The following ADAMTS2 variants were observed in gnomAD, a reference collection of about 807,000 sequenced individuals.
The protein encoded by ADAMTS2 is ADAM metallopeptidase with thrombospondin type 1 motif 2, also known as A disintegrin and metalloproteinase with thrombospondin motifs 2.
Under a neutral mutation model 123.0 loss-of-function variants are expected in ADAMTS2, and 50 were observed. That is an observed-to-expected ratio of 0.41 (90% CI 0.32 to 0.51). The LOEUF (loss-of-function observed/expected upper bound fraction) is 0.51. ADAMTS2 is among the 20% of genes least tolerant of loss of function. The pLI is 0.35. For missense variants in ADAMTS2, 1,494 were observed against 1,705.2 expected (o/e 0.88, Z 2.18); for synonymous variants, 678 against 695.4 (o/e 0.98, Z 0.39).
chr5:179,315,747 G>A (rs1298156010), intron 2 of ADAMTS2, among the ~76,000 whole-genome samples: 2 of 152,206 alleles, frequency 1.3e-5, no homozygotes, highest in Admixed American at 6.5e-5. Context: ...GAGCACAAAC[G>A]CCACTGGAGA....
intron 2 of ADAMTS2, among the ~76,000 whole-genome samples, chr5:179,322,024 C>T (rs900356399): frequency 6.6e-6 from 1 of 151,762 alleles, no homozygotes; most frequent in Non-Finnish European, 1.5e-5. Context: ...AGGGAAGGTA[C>T]AATACGACCC....
chr5:179,168,978 G>C (rs1561787591), intron 5 of ADAMTS2, among the ~76,000 whole-genome samples: 1 of 152,228 alleles, frequency 6.6e-6, no homozygotes, highest in Non-Finnish European at 1.5e-5. Flanking sequence ...TATTCCCAGA[G>C]AGAGCCAAGC....
chr5:179,336,355 C>A (rs533176999), intron 2 of ADAMTS2, among the ~76,000 whole-genome samples: 9 of 152,378 alleles, frequency 5.9e-5, no homozygotes, highest in African/African-American at 2.2e-4. Flanking sequence ...GGAAGGACCG[C>A]TACTTCGTAA....
intron 3 of ADAMTS2, among the ~76,000 whole-genome samples, chr5:179,223,558 A>ACTCACACGAATGCACT (rs1765193393): frequency 4.0e-5 from 6 of 150,962 alleles, no homozygotes; most frequent in South Asian, 4.2e-4. Context: ...ATGCACTCAC[A>ACTCACACGAATGCACT]CACACGCGAA....
In ADAMTS2 at chr5:179,303,695, A is replaced by G. The variant is rs1043275983; in HGVS notation, c.535-30631T>C. On this transcript the variant is annotated intron_variant, in intron 2 of 21. Transcript: ENST00000251582. This position sits in a 1 kb window ranked among gnomAD's most constrained non-coding sequence, Gnocchi z 4.7. ...CTCACACGCCAGCTCATGGCAGCCC[A>G]CAGGCACCTAAAACTCTAAGAGGGG... Among the ~76,000 whole-genome samples the G allele has an allele frequency of 1.3e-5, 2 of 152,168 alleles. No individual in the cohort carries two copies. The highest frequency in any genetic ancestry group is 6.5e-5 in the Admixed American group (1 of 15,276).
rs1187504628 is a variant in ADAMTS2, at chr5:179,129,916, C to T, written c.2457+16G>A. ...CACCCGCACCCTTCCCTGGGCCCAGCCCTGCTTGGACTCACCAGAACGGTG... is the reference window on the plus strand; with the variant it reads ...CACCCGCACCCTTCCCTGGGCCCAGTCCTGCTTGGACTCACCAGAACGGTG... On this transcript the variant is annotated intron_variant, in intron 16 of 21. Coordinates refer to ENST00000251582, the MANE Select transcript of ADAMTS2 (RefSeq NM_014244.5). This position sits in a 1 kb window ranked among gnomAD's most constrained non-coding sequence, Gnocchi z 4.1. 1 of 1,613,552 alleles carries T rather than the reference C, an allele frequency of 6.2e-7. No homozygotes were observed. Among genetic ancestry groups the T allele is most frequent in the African/African-American group, 1.3e-5 (1 of 74,938 alleles).
intron 3 of ADAMTS2, among the ~76,000 whole-genome samples, chr5:179,237,801 C>T (rs920192879): frequency 2.0e-5 from 3 of 152,082 alleles, no homozygotes; most frequent in African/African-American, 7.2e-5. Context: ...TCTGGTTTTC[C>T]TTGATCCCTG....
At chr5:179,296,590 C>T (rs1028476812) in intron 2 of ADAMTS2, among the ~76,000 whole-genome samples, 5 of 152,018 alleles carry the variant, frequency 3.3e-5, no homozygotes, top group Non-Finnish European at 4.4e-5. Flanking sequence ...CAGTGGCATC[C>T]GACTCGGATA....
chr5:179,143,200 G>A (rs1041392154), intron 10 of ADAMTS2, among the ~76,000 whole-genome samples: 107 of 152,294 alleles, frequency 7.0e-4, no homozygotes, highest in African/African-American at 2.4e-3. Flanking sequence ...TTGGGAGGCC[G>A]AGGGGGGCAG....
intron 1 of ADAMTS2, 125 bp from the exon 2 acceptor site, chr5:179,344,286 G>A: frequency 7.7e-7 from 1 of 1,296,516 alleles, no homozygotes; most frequent in Non-Finnish European, 1.1e-6. Context: ...TCCGCCAGGC[G>A]ACCCCAGAAG....
At chr5:179,263,519 C>T (rs959899746) in intron 3 of ADAMTS2, among the ~76,000 whole-genome samples, 14 of 152,250 alleles carry the variant, frequency 9.2e-5, no homozygotes, top group African/African-American at 3.1e-4. Flanking sequence ...CACCTCCTGT[C>T]CTGTCCTGCA....
At chr5:179,241,817 T>C (rs1342248130) in intron 3 of ADAMTS2, among the ~76,000 whole-genome samples, 11 of 152,204 alleles carry the variant, frequency 7.2e-5, no homozygotes, top group Admixed American at 2.6e-4. Context: ...GGCAAAATAG[T>C]GTGTGTACCT....
At position 179,344,288 on chromosome 5, in the gene ADAMTS2, C is replaced by T. The variant is rs572554431; in HGVS notation, c.140-127G>A. The T allele has an allele frequency of 2.1e-4, 266 of 1,275,504 alleles. 1 individual carries two copies. The South Asian group carries it at 3.4e-3, about 16-fold the overall frequency. 79.0% of individuals were successfully genotyped at this position (1,275,504 alleles called of 1,614,324 possible). ...AGGGAAGGGGCATTCCGCCAGGCGA[C>T]CCCAGAAGCCAGCCTGCACCTCCCC... On this transcript the variant is annotated intron_variant, in intron 1 of 21. Transcript: ENST00000251582.
intron 12 of ADAMTS2, 94 bp from the exon 13 acceptor site, chr5:179,136,136 G>C (rs1581145976): frequency 3.1e-6 from 5 of 1,598,494 alleles, no homozygotes; most frequent in Non-Finnish European, 4.3e-6. Context: ...TTTCCACAAG[G>C]GTCCCCACGT....
At chr5:179,137,343 G>T (rs1469439132) in intron 12 of ADAMTS2, among the ~76,000 whole-genome samples, 2 of 152,234 alleles carry the variant, frequency 1.3e-5, no homozygotes, top group Middle Eastern at 3.2e-3. Context: ...TGCTGAAACC[G>T]GTTGGAGTCA....
chr5:179,113,531 T>C lies in ADAMTS2; in HGVS notation c.*336A>G. The C allele has an allele frequency of 5.6e-6, 2 of 358,726 alleles. No homozygotes were observed. The highest frequency in any genetic ancestry group is 1.0e-5 in the Non-Finnish European group (2 of 191,786). The allele number at this position is 358,726 out of a possible 1,614,324, so 22.2% of individuals were successfully genotyped here. On this transcript the variant is annotated 3_prime_UTR_variant, in exon 22 of 22. Coordinates refer to ENST00000251582, the MANE Select transcript of ADAMTS2 (RefSeq NM_014244.5). ...CCGCCAAGGAAAGGAAGGTTCCCAA[T>C]CACTGCTTAGCAACTTGGGGCCTAT... is the stretch of plus-strand genomic sequence containing the variant.
chr5:179,190,689 C>A (rs933232486), intron 4 of ADAMTS2, among the ~76,000 whole-genome samples: 2 of 152,248 alleles, frequency 1.3e-5, no homozygotes, highest in African/African-American at 2.4e-5. Context: ...TTCACACGGA[C>A]ATGCGTGACA....
chr5:179,199,334 C>A (rs76811347), intron 4 of ADAMTS2, among the ~76,000 whole-genome samples: 2 of 152,186 alleles, frequency 1.3e-5, no homozygotes, highest in African/African-American at 4.8e-5. Flanking sequence ...TTCCCCACGG[C>A]ATCTCAGGGC....
chr5:179,337,699 C>T (rs1356739239), intron 2 of ADAMTS2, among the ~76,000 whole-genome samples: 1 of 152,260 alleles, frequency 6.6e-6, no homozygotes, highest in Non-Finnish European at 1.5e-5. Context: ...TCAGATACCA[C>T]AGTGGGCAGG....
Sources: gnomAD v4.1 joint callset for allele counts (sites outside exome capture counted in the v4.1 genomes callset) on GRCh38, gnomAD v4.1.1 for gene constraint, Gnocchi (gnomAD v3.1) non-coding constraint, MANE v1.5 for transcripts, NCBI Gene and HGNC (gene_info 2026-07-23, HGNC 2026-07-21) for gene names.